NAV2: variants seen among roughly 807,000 people sequenced by gnomAD.
NAV2 encodes the protein neuron navigator 2, also known as helicase, APC down-regulated 1.
Under a neutral mutation model 223.2 loss-of-function variants are expected in NAV2, and 54 were observed. The observed-to-expected ratio is 0.24, with a 90% confidence interval of 0.19 to 0.30. The LOEUF is 0.30. Ranked by LOEUF, NAV2 falls within the 10% of genes least tolerant of loss-of-function variation. The probability of loss-of-function intolerance (pLI) is 1.00; values close to 1 mark genes in which losing one functional copy is unlikely to be tolerated. For synonymous variants in NAV2, 1,279 were observed against 1,239.3 expected, an observed-to-expected ratio of 1.03 and a Z score of -0.67; for missense variants, 2,806 against 3,147.5, an observed-to-expected ratio of 0.89 and a Z score of 2.60.
chr11:20,049,820 C>T lies in NAV2; in HGVS notation c.4371-16C>T, dbSNP rs1230894679. The T allele has an allele frequency of 1.2e-6, 2 of 1,613,428 alleles. No individual in the cohort carries two copies. Among genetic ancestry groups the T allele is most frequent in the Admixed American group, 3.3e-5 (2 of 60,032 alleles). ...TAACGTTCCTTCTCTTGTTTTCTAC[C>T]TGCCTGGACTTCTAGCCCTCTCTCT... On this transcript the variant is annotated splice_polypyrimidine_tract_variant and intron_variant, in intron 15 of 37. Transcript: ENST00000349880.
rs546098009 is a variant in NAV2 at position 19,956,640 on chromosome 11, G to A, written c.2645+7560G>A. On this transcript the variant is annotated intron_variant, in intron 10 of 37. Transcript: ENST00000349880. ...GATGAAGAGGTGCATAGTGCACGGT[G>A]TGGGGGCGGTGCAGAGCTTCCATGC... 3.3e-5 allele frequency among the ~76,000 whole-genome samples: 5 copies of A among 152,316 alleles called. No individual in the cohort carries two copies. The East Asian group carries it at 7.7e-4, about 23-fold the overall frequency.
intron 10 of NAV2, among the ~76,000 whole-genome samples, chr11:19,975,763 A>G (rs1479058597): frequency 6.6e-6 from 1 of 152,216 alleles, no homozygotes; most frequent in Non-Finnish European, 1.5e-5. Flanking sequence ...AAATCATTGT[A>G]GAGTGTGTTG....
intron 1 of NAV2, among the ~76,000 whole-genome samples, chr11:19,806,658 A>G (rs1471087572): frequency 6.6e-6 from 1 of 152,208 alleles, no homozygotes; most frequent in Non-Finnish European, 1.5e-5. Flanking sequence ...TCATTTCTAA[A>G]GAGGGGATGG....
Position 19,572,430 on chromosome 11 carries a change from C to G in NAV2, c.75+221403C>G, listed in dbSNP as rs117122887. On this transcript the variant is annotated intron_variant, in intron 1 of 37. Transcript: ENST00000360655. ...ATTTTGTCATCCCTTTGCTGTAGTA[C>G]TCTATCTGCAACCTTTCGGCTTCAA... Among the ~76,000 whole-genome samples the G allele has an allele frequency of 6.6e-4, 101 of 152,308 alleles. 1 individual carries two copies. In the South Asian group the frequency reaches 8.3e-3, roughly 13 times the overall value.
At chr11:20,087,269 C>G (rs1028447320) in intron 26 of NAV2, among the ~76,000 whole-genome samples, 1 of 152,200 alleles carries the variant, frequency 6.6e-6, no homozygotes, top group African/African-American at 2.4e-5. Flanking sequence ...CTCCAAGCCA[C>G]TTTCCCCAGA....
intron 1 of NAV2, among the ~76,000 whole-genome samples, chr11:19,527,144 A>G (rs1565017633): frequency 6.6e-6 from 1 of 151,612 alleles, no homozygotes; most frequent in Non-Finnish European, 1.5e-5. Flanking sequence ...GTGTTGTGGG[A>G]GGGACCTTGT....
intron 37 of NAV2, among the ~76,000 whole-genome samples, chr11:20,117,091 G>A (rs2063166993): frequency 6.6e-6 from 1 of 152,162 alleles, no homozygotes; most frequent in Non-Finnish European, 1.5e-5. Context: ...AGGGGCAGCT[G>A]GATTGTATGC....
intron 10 of NAV2, among the ~76,000 whole-genome samples, chr11:19,954,173 G>A (rs1456040898): frequency 6.6e-6 from 1 of 152,184 alleles, no homozygotes; most frequent in East Asian, 1.9e-4. Flanking sequence ...TTGGTTTAAA[G>A]CTCCTGGCTG....
chr11:19,720,851 C>A (rs2050694651), intron 1 of NAV2, among the ~76,000 whole-genome samples: 1 of 152,212 alleles, frequency 6.6e-6, no homozygotes, highest in African/African-American at 2.4e-5. Flanking sequence ...AGTCACCTTG[C>A]TACATGACCT....
chr11:19,991,620 G>A lies in NAV2; in HGVS notation c.2768+7373G>A, dbSNP rs1185172435. 3.3e-5 allele frequency among the ~76,000 whole-genome samples: 5 copies of A among 152,156 alleles called. No individual in the cohort carries two copies. In the East Asian group the frequency reaches 9.6e-4, roughly 29 times the overall value. On this transcript the variant is annotated intron_variant, in intron 11 of 37. Transcript: ENST00000349880. Reference sequence around the variant, plus strand: ...AATAAACGAGTATAGCATTAAGACTGTGGGGAAATGATGTGCAAAATATGA... The same window carrying A: ...AATAAACGAGTATAGCATTAAGACTATGGGGAAATGATGTGCAAAATATGA...
chr11:19,840,019 A>G (rs868135820), intron 2 of NAV2, among the ~76,000 whole-genome samples: 1 of 152,248 alleles, frequency 6.6e-6, no homozygotes, highest in Non-Finnish European at 1.5e-5. Context: ...TTACCAGCAG[A>G]ATCAGAGCTG....
At chr11:19,950,397 T>C (rs2047286169) in intron 10 of NAV2, among the ~76,000 whole-genome samples, 1 of 152,230 alleles carries the variant, frequency 6.6e-6, no homozygotes, top group Non-Finnish European at 1.5e-5. Context: ...GAAGGTGAAG[T>C]CCAGGAAGGT....
intron 5 of NAV2, among the ~76,000 whole-genome samples, chr11:19,884,779 T>C (rs1224232794): frequency 1.1e-5 from 1 of 92,982 alleles, no homozygotes; most frequent in Non-Finnish European, 2.4e-5. Flanking sequence ...TCTTGTGCTT[T>C]GTGTTGTTGT....
intron 1 of NAV2, among the ~76,000 whole-genome samples, chr11:19,687,947 C>T (rs1261958433): frequency 6.6e-6 from 1 of 152,092 alleles, no homozygotes; most frequent in Non-Finnish European, 1.5e-5. Context: ...TCTAGAGAGC[C>T]CCTGTGCCCT....
chr11:19,397,418 T>TGTGTGTGTGTGTGTGTGTGTGTGCGC (rs57566081), intron 1 of NAV2, among the ~76,000 whole-genome samples: 5 of 145,354 alleles, frequency 3.4e-5, no homozygotes, highest in South Asian at 4.5e-4. Context: ...TGTGTGTGTG[T>TGTGTGTGTGTGTGTGTGTGTGTGCGC]GCGCGCATGT....
rs746931999 is a variant in NAV2 at position 20,054,197 on chromosome 11, C to T, written c.4599C>T (p.Ser1533=). Residue 1533 remains serine (S), a synonymous_variant, in exon 18 of 38, where the codon AGC becomes AGT. Transcript: ENST00000349880. ...AANSPFSSGS[S]VTSPSGTRFN... The stretch of plus-strand genomic sequence containing the variant: ...ATTCCCCCTTTTCCTCTGGCTCCAG[C>T]GTGACTTCTCCCTCCGGAACAAGAT... 1.1e-5 allele frequency: 17 copies of T among 1,612,944 alleles called. No individual in the cohort carries two copies. The South Asian group carries it at 1.2e-4, about 11-fold the overall frequency.
At chr11:19,942,724 C>T (rs1300503538) in intron 8 of NAV2, among the ~76,000 whole-genome samples, 1 of 152,214 alleles carries the variant, frequency 6.6e-6, no homozygotes, top group African/African-American at 2.4e-5. Context: ...GTAGCTATAC[C>T]TGTAATCCCA....
chr11:19,843,578 T>C (rs2060618955), intron 3 of NAV2, among the ~76,000 whole-genome samples: 1 of 152,200 alleles, frequency 6.6e-6, no homozygotes, highest in Non-Finnish European at 1.5e-5. Context: ...TCGTCATTGT[T>C]GAGTTCAGAA....
chr11:19,908,200 C>T (rs1249945940), intron 6 of NAV2, among the ~76,000 whole-genome samples: 1 of 152,202 alleles, frequency 6.6e-6, no homozygotes, highest in African/African-American at 2.4e-5. Flanking sequence ...AGGCTGGCTT[C>T]CTTGAAGTCT....
Sources: allele counts gnomAD v4.1 joint callset (sites outside exome capture counted in the v4.1 genomes callset), GRCh38; gene constraint gnomAD v4.1.1; transcripts MANE v1.5; gene names NCBI Gene and HGNC (gene_info 2026-07-23, HGNC 2026-07-21).